Variants in OIT3 observed in about 807,000 individuals in gnomAD.
OIT3 encodes oncoprotein induced transcript 3.
A neutral mutation model predicts 52.2 loss-of-function variants in OIT3; 41 were observed. That is an observed-to-expected ratio of 0.79 (90% CI 0.61 to 1.02). The LOEUF (loss-of-function observed/expected upper bound fraction) is 1.02. OIT3 is among the 50% of genes least tolerant of loss of function. The probability of loss-of-function intolerance (pLI) is 0.00; values close to 1 mark genes in which losing one functional copy is unlikely to be tolerated. For synonymous variants in OIT3, 244 were observed against 276.9 expected (o/e 0.88, Z 1.18); for missense variants, 634 against 715.5 (o/e 0.89, Z 1.30).
rs1213303558 is a variant in OIT3 at position 72,932,922 on chromosome 10, A to T, written c.*398A>T. 6.1e-6 allele frequency: 1 copy of T among 165,288 alleles called. No homozygotes were observed. Among genetic ancestry groups the T allele is most frequent in the Non-Finnish European group, 1.3e-5 (1 of 77,140 alleles). 10.2% of individuals were successfully genotyped at this position (165,288 alleles called of 1,614,324 possible). ...TACTGAAATTATGACTTAAATACCC[A>T]ATGACTCCTTAAATATGTAAATTAT... On this transcript the variant is annotated 3_prime_UTR_variant, in exon 9 of 9. Coordinates refer to ENST00000334011, the MANE Select transcript of OIT3 (RefSeq NM_152635.3).
At chr10:72,914,033 G>T (rs1265213039) in intron 6 of OIT3, among the ~76,000 whole-genome samples, 1 of 152,232 alleles carries the variant, frequency 6.6e-6, no homozygotes, top group African/African-American at 2.4e-5. Flanking sequence ...TAGGAGTCCA[G>T]TCAAGGGACA....
chr10:72,896,772 T>C (rs1186790728), intron 1 of OIT3, among the ~76,000 whole-genome samples: 1 of 152,242 alleles, frequency 6.6e-6, no homozygotes, highest in Non-Finnish European at 1.5e-5. Flanking sequence ...ACAAAATGTA[T>C]TGGCCCTAAT....
chr10:72,923,334 T>G (rs1173095519), intron 6 of OIT3, among the ~76,000 whole-genome samples: 1 of 152,268 alleles, frequency 6.6e-6, no homozygotes, highest in African/African-American at 2.4e-5. Context: ...GCCCTTCCTC[T>G]GAGAGCTCCA....
chr10:72,902,804 C>G (rs1845944983), intron 3 of OIT3, among the ~76,000 whole-genome samples: 1 of 152,172 alleles, frequency 6.6e-6, no homozygotes, highest in African/African-American at 2.4e-5. Context: ...ACCCATGATT[C>G]AATTATCTCC....
At chr10:72,916,252 T>C (rs1318022958) in intron 6 of OIT3, among the ~76,000 whole-genome samples, 1 of 152,164 alleles carries the variant, frequency 6.6e-6, no homozygotes, top group Admixed American at 6.5e-5. Flanking sequence ...GGGTTGGTTA[T>C]ACAGATTATT....
intron 1 of OIT3, among the ~76,000 whole-genome samples, chr10:72,894,842 C>T (rs546333922): frequency 5.3e-5 from 8 of 152,002 alleles, no homozygotes; most frequent in South Asian, 2.1e-4. Flanking sequence ...GAGCCGAGAT[C>T]GAACCACTGC....
At chr10:72,926,919 G>C (rs1846174486) in intron 7 of OIT3, among the ~76,000 whole-genome samples, 2 of 151,968 alleles carry the variant, frequency 1.3e-5, no homozygotes, top group South Asian at 4.2e-4. Context: ...AGTTTGACAA[G>C]TTCTGATGTG....
At chr10:72,905,882 C>A (rs11000443) in intron 3 of OIT3, among the ~76,000 whole-genome samples, 6,899 of 152,286 alleles carry the variant, frequency 0.045, 292 homozygotes, top group East Asian at 0.22. Context: ...GGTCATGCCT[C>A]CTGTCATCGC....
chr10:72,901,983 C>A (rs941813759), intron 3 of OIT3, among the ~76,000 whole-genome samples: 1 of 152,112 alleles, frequency 6.6e-6, no homozygotes, highest in African/African-American at 2.4e-5. Flanking sequence ...AGGCTGCCAT[C>A]AGCTCTGATT....
intron 3 of OIT3, 86 bp downstream of exon 3, chr10:72,900,570 T>TTCCCAGTG: frequency 1.4e-6 from 1 of 717,432 alleles, no homozygotes; most frequent in Non-Finnish European, 2.4e-6. Context: ...CACCATCATT[T>TTCCCAGTG]TCCCAGTGTG....
intron 8 of OIT3, among the ~76,000 whole-genome samples, chr10:72,931,792 G>T (rs1342253051): frequency 6.6e-6 from 1 of 152,170 alleles, no homozygotes; most frequent in Non-Finnish European, 1.5e-5. Context: ...TAAACAAAAG[G>T]AAGTTGAAGA....
intron 3 of OIT3, among the ~76,000 whole-genome samples, chr10:72,901,317 G>C (rs1845933264): frequency 6.6e-6 from 1 of 152,168 alleles, no homozygotes; most frequent in Admixed American, 6.5e-5. Context: ...TGGTTGTTCT[G>C]AGTAGCAAGA....
chr10:72,924,169 A>G, intron 6 of OIT3, 60 bp from the exon 7 acceptor site: 1 of 1,448,762 alleles, frequency 6.9e-7, no homozygotes, highest in Non-Finnish European at 9.3e-7. Flanking sequence ...AGGAGGGGGA[A>G]AAAAAACTGT....
At chr10:72,930,814 C>T (rs185602578) in intron 8 of OIT3, among the ~76,000 whole-genome samples, 177 bp downstream of exon 8, 23 of 152,042 alleles carry the variant, frequency 1.5e-4, no homozygotes, top group Admixed American at 5.2e-4. Context: ...TCACACCCGC[C>T]CTGCCTGCCA....
intron 4 of OIT3, among the ~76,000 whole-genome samples, chr10:72,909,479 T>C (rs530360610): frequency 6.6e-6 from 1 of 152,200 alleles, no homozygotes; most frequent in South Asian, 2.1e-4. Flanking sequence ...TGTGTACCCA[T>C]TGTTTAGCTC....
chr10:72,932,321 T>G (rs182601318), intron 8 of OIT3, 33 bp from the exon 9 acceptor site: 1 of 1,606,370 alleles, frequency 6.2e-7, no homozygotes, highest in African/African-American at 1.3e-5. Flanking sequence ...CAGCAGTTAT[T>G]GTTTTTATTA....
chr10:72,900,293 G>GCCC, intron 2 of OIT3, 84 bp from the exon 3 acceptor site: 1 of 273,152 alleles, frequency 3.7e-6, no homozygotes, highest in Non-Finnish European at 6.9e-6. Context: ...CACCCCCCCC[G>GCCC]ACCCCCCGCA....
chr10:72,899,284 T>C (rs571836281), intron 2 of OIT3, among the ~76,000 whole-genome samples: 1 of 152,270 alleles, frequency 6.6e-6, no homozygotes, highest in South Asian at 2.1e-4. Context: ...CTGAATTCCA[T>C]TCAAACAAAA....
chr10:72,903,929 C>T (rs1282034090), intron 3 of OIT3, among the ~76,000 whole-genome samples: 1 of 152,030 alleles, frequency 6.6e-6, no homozygotes, highest in African/African-American at 2.4e-5. Flanking sequence ...CTCATATTGT[C>T]TTATGCCTAA....
Sources: gnomAD v4.1 joint callset for allele counts (sites outside exome capture counted in the v4.1 genomes callset) on GRCh38, gnomAD v4.1.1 for gene constraint, MANE v1.5 for transcripts, NCBI Gene and HGNC (gene_info 2026-07-23, HGNC 2026-07-21) for gene names.